DIP2C: variants seen among roughly 807,000 people sequenced by gnomAD.
DIP2C encodes the protein disco-interacting protein 2 homolog C.
In DIP2C, 33 loss-of-function variants were observed where a neutral mutation model predicts 192.4. That is an observed-to-expected ratio of 0.17 (90% CI 0.13 to 0.23). The LOEUF (loss-of-function observed/expected upper bound fraction) is 0.23, where lower values mean the gene tolerates loss of function less well. Among genes scored for constraint, DIP2C ranks in the 10% least tolerant of loss-of-function variants. The pLI, the probability that DIP2C is intolerant of heterozygous loss-of-function variation, is 1.00. For synonymous variants in DIP2C, 979 were observed against 864.1 expected, an observed-to-expected ratio of 1.13 and a Z score of -2.33; for missense variants, 1,537 against 2,110.1, an observed-to-expected ratio of 0.73 and a Z score of 5.32.
chr10:369,996 A>T (rs1439612566), intron 17 of DIP2C: 3 of 984,944 alleles, frequency 3.0e-6, no homozygotes, highest in Admixed American at 1.2e-4. Flanking sequence ...TGCTCACTCC[A>T]CGGTCTGCTC....
chr10:599,276 A>C (rs1851907420), intron 1 of DIP2C, among the ~76,000 whole-genome samples: 1 of 152,236 alleles, frequency 6.6e-6, no homozygotes. Flanking sequence ...GGGCTTACTA[A>C]GACACCCATT....
chr10:337,824 CTG>C (rs374719991), intron 29 of DIP2C, among the ~76,000 whole-genome samples: 95 of 102,794 alleles, frequency 9.2e-4, no homozygotes, highest in Middle Eastern at 9.6e-3. Flanking sequence ...GCCTACGCAG[CTG>C]TGTGTGTGTG....
rs370459221 is a variant in DIP2C at position 422,886 on chromosome 10, G to C, written c.542C>G (p.Thr181Arg). The change falls in exon 5 of 37, where the codon ACG (threonine) becomes AGG (arginine). Residue 181 changes from threonine to arginine, a missense_variant. Thr to Arg is a moderately conservative substitution (Grantham distance 71). Coordinates refer to ENST00000280886, the MANE Select transcript of DIP2C (RefSeq NM_014974.3). The part of the protein sequence containing the change: ...STTSTTSSSS[T>R]QSGGSGAAHR... The stretch of plus-strand genomic sequence containing the variant: ...GGCAGCCCCGCTGCCCCCGCTCTGC[G>C]TAGAGGACGAGGAGGTGGTGGACGT... 1.2e-6 allele frequency: 2 copies of C among 1,613,650 alleles called. No homozygotes were observed. Among genetic ancestry groups the C allele is most frequent in the Non-Finnish European group, 1.7e-6 (2 of 1,180,040 alleles).
At chr10:484,668 C>T (rs1449887793) in intron 2 of DIP2C, 3 of 1,409,494 alleles carry the variant, frequency 2.1e-6, no homozygotes, top group South Asian at 2.9e-5. Context: ...GAATGGGACC[C>T]TCAGGCCCCC....
At chr10:529,305 C>T (rs954264448) in intron 1 of DIP2C, among the ~76,000 whole-genome samples, 1 of 151,972 alleles carries the variant, frequency 6.6e-6, no homozygotes, top group Non-Finnish European at 1.5e-5. Context: ...TGTTTAATTC[C>T]TACTCACAGA....
chr10:593,226 G>A (rs190639278), intron 1 of DIP2C, among the ~76,000 whole-genome samples: 42 of 152,096 alleles, frequency 2.8e-4, no homozygotes, highest in African/African-American at 1.0e-3. Context: ...ACATCCCCCC[G>A]GGGTGGTCTC....
chr10:689,223 G>A lies in DIP2C; in HGVS notation c.85+271C>T, dbSNP rs542715760. On this transcript the variant is annotated intron_variant, in intron 1 of 36. Transcript: ENST00000280886. This position sits in a 1 kb window ranked among gnomAD's most constrained non-coding sequence, Gnocchi z 6.1. ...TCGCGGCCCCACAAACACCCCCAGA[G>A]CGCGAGGGGATCCCAGGCCCCACAG... Among the ~76,000 whole-genome samples the A allele has an allele frequency of 4.4e-4, 66 of 150,230 alleles. No individual in the cohort carries two copies. In the East Asian group the frequency reaches 0.013, roughly 28 times the overall value.
intron 1 of DIP2C, among the ~76,000 whole-genome samples, chr10:676,470 T>C (rs773928741): frequency 6.6e-6 from 1 of 151,778 alleles, no homozygotes; most frequent in Non-Finnish European, 1.5e-5. Context: ...GGAGCTCTAA[T>C]TGTCTGTTTT....
At position 325,010 on chromosome 10, in the gene DIP2C, A is replaced by C. The variant is rs190907175; in HGVS notation, c.3924+1996T>G. On this transcript the variant is annotated intron_variant, in intron 31 of 36. Coordinates refer to ENST00000280886, the MANE Select transcript of DIP2C (RefSeq NM_014974.3). ...GCTGGGCGTGGTGGCTCATGCCTGT[A>C]ATCCCAGCACTTTAGGAGGCAAAGG... The C allele has an allele frequency of 3.2e-4, 166 of 523,200 alleles. No individual in the cohort carries two copies. The East Asian group carries it at 8.0e-3, about 25-fold the overall frequency. 32.4% of individuals were successfully genotyped at this position (523,200 alleles called of 1,614,324 possible).
rs139622654 is a variant in DIP2C, at chr10:484,463, C to T, written c.157+1996G>A. 2.6e-4 allele frequency among the ~76,000 whole-genome samples: 40 copies of T among 152,298 alleles called. No homozygotes were observed. In the East Asian group the frequency reaches 7.7e-3, roughly 29 times the overall value. ...CTATAAGATGAAAGTCTGTAGAATA[C>T]CAGTGGCTTTAAGAAGTTTTATAAT... On this transcript the variant is annotated intron_variant, in intron 2 of 36. Coordinates refer to ENST00000280886, the MANE Select transcript of DIP2C (RefSeq NM_014974.3).
Position 346,875 on chromosome 10 carries a change from T to C in DIP2C, c.3232-1765A>G, listed in dbSNP as rs1958501765. Among the ~76,000 whole-genome samples, 2 of 1,186 alleles carry C rather than the reference T, an allele frequency of 1.7e-3. 1 individual carries two copies. The highest frequency in any genetic ancestry group is 0.091 in the Non-Finnish European group (2 of 22). The allele number at this position is 1,186 out of a possible 152,430, so 0.8% of individuals were successfully genotyped here. A position where few individuals can be genotyped will look rare whatever the true frequency, so the allele number is the denominator to read the frequency against. ...GAAACGTCACACGCACCCAGACACA[T>C]CACGCGTAGTTCTCCCGGAAACGTC... On this transcript the variant is annotated intron_variant, in intron 26 of 36. Transcript: ENST00000280886.
intron 1 of DIP2C, among the ~76,000 whole-genome samples, chr10:604,661 T>TGG (rs1852339302): frequency 6.6e-6 from 1 of 152,264 alleles, no homozygotes; most frequent in African/African-American, 2.4e-5. Flanking sequence ...TTATAGTTTT[T>TGG]ATCCAAAAAG....
At chr10:487,563 GAGTGTT>G (rs1844103623) in intron 1 of DIP2C, among the ~76,000 whole-genome samples, 1 of 112,368 alleles carries the variant, frequency 8.9e-6, no homozygotes, top group East Asian at 3.1e-4. Flanking sequence ...GCCCATCAAT[GAGTGTT>G]TTTTTTTTTT....
intron 1 of DIP2C, among the ~76,000 whole-genome samples, chr10:543,593 C>T (rs1454755991): frequency 2.0e-5 from 3 of 152,252 alleles, no homozygotes; most frequent in Middle Eastern, 3.4e-3. Context: ...TAGTATGGAT[C>T]GTTGTGTCTC....
intron 1 of DIP2C, among the ~76,000 whole-genome samples, chr10:527,083 C>T (rs1847098416): frequency 6.6e-6 from 1 of 152,138 alleles, no homozygotes; most frequent in Non-Finnish European, 1.5e-5. Flanking sequence ...TGGCTCCTCA[C>T]CTCTACCCAG....
chr10:495,329 C>T lies in DIP2C; in HGVS notation c.86-8799G>A, dbSNP rs188548596. On this transcript the variant is annotated intron_variant, in intron 1 of 36. Transcript: ENST00000280886. Reference sequence around the variant, plus strand: ...GGTAACTACAGTTAATAACAATGTACCATCTGCCTGAAATTCAGTTAACAA... The same window carrying T: ...GGTAACTACAGTTAATAACAATGTATCATCTGCCTGAAATTCAGTTAACAA... 2.2e-3 allele frequency among the ~76,000 whole-genome samples: 342 copies of T among 152,180 alleles called. 1 individual carries two copies. The highest frequency in any genetic ancestry group is 4.6e-3 in the Admixed American group (71 of 15,288).
chr10:397,078 A>G (rs935946931), intron 10 of DIP2C, among the ~76,000 whole-genome samples: 6 of 152,236 alleles, frequency 3.9e-5, no homozygotes, highest in Non-Finnish European at 7.3e-5. Context: ...CAGACTCTGA[A>G]GAGATACCCA....
At chr10:611,900 G>C (rs768484689) in intron 1 of DIP2C, among the ~76,000 whole-genome samples, 1 of 152,168 alleles carries the variant, frequency 6.6e-6, no homozygotes, top group Non-Finnish European at 1.5e-5. Context: ...TATGGTTTGT[G>C]CTGGGCCATT....
At chr10:624,701 A>G (rs1264702865) in intron 1 of DIP2C, among the ~76,000 whole-genome samples, 1 of 152,194 alleles carries the variant, frequency 6.6e-6, no homozygotes, top group African/African-American at 2.4e-5. Context: ...TATGCTGAAT[A>G]TGCAGGCACA....
Sources: allele counts gnomAD v4.1 joint callset (sites outside exome capture counted in the v4.1 genomes callset), GRCh38; gene constraint gnomAD v4.1.1; non-coding constraint Gnocchi (gnomAD v3.1); transcripts MANE v1.5; gene names NCBI Gene and HGNC (gene_info 2026-07-23, HGNC 2026-07-21).